Variants in COL24A1 observed in about 807,000 individuals in gnomAD.
COL24A1 encodes the protein collagen alpha-1(XXIV) chain.
COL24A1 carries 224 observed loss-of-function variants against 253.9 expected under a neutral mutation model. The ratio of observed to expected loss-of-function variants is 0.88; its 90% CI spans 0.79 to 0.99. The LOEUF (loss-of-function observed/expected upper bound fraction) is 0.99, where lower values mean the gene tolerates loss of function less well. COL24A1 is among the 50% of genes least tolerant of loss of function. COL24A1 has a pLI of 0.00. For missense variants in COL24A1, 2,131 were observed against 2,068.5 expected (o/e 1.03, Z -0.59); for synonymous variants, 685 against 673.7 (o/e 1.02, Z -0.26).
In COL24A1 at chr1:86,146,070, G is replaced by A. The variant is rs767608975; in HGVS notation, c.121+49C>T. The A allele has an allele frequency of 4.1e-6, 6 of 1,453,560 alleles. No homozygotes were observed. In the South Asian group the frequency reaches 7.2e-5, roughly 17 times the overall value. The allele number at this position is 1,453,560 out of a possible 1,614,324, so 90.0% of individuals were successfully genotyped here. On this transcript the variant is annotated intron_variant, in intron 2 of 59. Coordinates refer to ENST00000370571, the MANE Select transcript of COL24A1 (RefSeq NM_152890.7). Reference sequence around the variant, plus strand: ...GAAAGTTATGTACTTTTGCTGTCTGGAAGTAGAATTTTTAAGTAAGCAAAT... The same window carrying A: ...GAAAGTTATGTACTTTTGCTGTCTGAAAGTAGAATTTTTAAGTAAGCAAAT...
At chr1:86,023,103 C>A in intron 14 of COL24A1, 96 bp from the exon 15 acceptor site, 1 of 1,090,584 alleles carries the variant, frequency 9.2e-7, no homozygotes, top group Non-Finnish European at 1.3e-6. Flanking sequence ...CCAAAACAGC[C>A]AACTCACTAA....
At chr1:86,040,509 T>C (rs1452194222) in intron 12 of COL24A1, among the ~76,000 whole-genome samples, 1 of 132,264 alleles carries the variant, frequency 7.6e-6, no homozygotes, top group Non-Finnish European at 1.5e-5. Context: ...CCTTATGTTA[T>C]CCACCCTGAA....
chr1:85,869,727 C>G (rs1680213331), intron 35 of COL24A1, among the ~76,000 whole-genome samples: 1 of 152,180 alleles, frequency 6.6e-6, no homozygotes, highest in Non-Finnish European at 1.5e-5. Flanking sequence ...CAACCAGGAC[C>G]AGCCACTGCA....
At chr1:86,011,852 G>C (rs933434107) in intron 19 of COL24A1, among the ~76,000 whole-genome samples, 3 of 152,150 alleles carry the variant, frequency 2.0e-5, no homozygotes, top group Non-Finnish European at 4.4e-5. Context: ...CATTCTATTG[G>C]ATAAAGGTTC....
chr1:85,737,566 C>CCT, intron 57 of COL24A1, 61 bp from the exon 58 acceptor site: 1 of 930,730 alleles, frequency 1.1e-6, no homozygotes, highest in Middle Eastern at 2.5e-4. Context: ...CTTATAATTT[C>CCT]TTTTTTTTTT....
chr1:85,875,711 T>C (rs1571029116), intron 33 of COL24A1, among the ~76,000 whole-genome samples: 1 of 130,058 alleles, frequency 7.7e-6, no homozygotes, highest in South Asian at 2.5e-4. Context: ...ATTCACATTA[T>C]AAAAGACACA....
At chr1:86,022,645 T>C (rs1295414411) in intron 16 of COL24A1, 54 bp from the exon 17 acceptor site, 8 of 1,537,310 alleles carry the variant, frequency 5.2e-6, no homozygotes, top group Non-Finnish European at 7.1e-6. Flanking sequence ...CATGGCAATA[T>C]TATAAGAAAG....
rs1647993943 is a variant in COL24A1 at position 86,124,857 on chromosome 1, G to A, written c.1479C>T (p.Asp493=). The A allele has an allele frequency of 6.5e-7, 1 of 1,548,596 alleles. No individual in the cohort carries two copies. The change falls in exon 3 of 60, where the codon GAC becomes GAT. Residue 493 remains aspartate, a synonymous_variant. Coordinates refer to ENST00000370571, the MANE Select transcript of COL24A1 (RefSeq NM_152890.7). ...EMEYLRGPKG[D]TGPPGPPGPA... ...AAAAAAAACTTACGGGAGGTCCAGT[G>A]TCTCCTTTTGGCCCTCTCAGATACT... is the stretch of plus-strand genomic sequence containing the variant.
At chr1:85,818,840 A>T (rs986925751) in intron 45 of COL24A1, among the ~76,000 whole-genome samples, 2 of 152,236 alleles carry the variant, frequency 1.3e-5, no homozygotes, top group East Asian at 3.8e-4. Context: ...AGAAATCATC[A>T]GAAGTTCTCA....
intron 2 of COL24A1, among the ~76,000 whole-genome samples, chr1:86,134,988 C>A (rs1320772167): frequency 6.6e-6 from 1 of 151,396 alleles, no homozygotes; most frequent in South Asian, 2.1e-4. Flanking sequence ...GAGTCTAAGT[C>A]TCTTTGTAGG....
chr1:85,783,730 ACAC>A (rs1269549062), intron 50 of COL24A1, among the ~76,000 whole-genome samples, 172 bp from the exon 51 acceptor site: 2 of 152,216 alleles, frequency 1.3e-5, no homozygotes, highest in African/African-American at 4.8e-5. Flanking sequence ...ACTTAGAAAT[ACAC>A]CAATGAAGGG....
chr1:86,101,495 C>T (rs1704449739), intron 5 of COL24A1, among the ~76,000 whole-genome samples: 1 of 152,062 alleles, frequency 6.6e-6, no homozygotes, highest in African/African-American at 2.4e-5. Context: ...CCAGCTTTTG[C>T]CCATCCAGTA....
chr1:85,920,747 G>A (rs568391220), intron 24 of COL24A1, among the ~76,000 whole-genome samples: 1 of 152,028 alleles, frequency 6.6e-6, no homozygotes, highest in South Asian at 2.1e-4. Flanking sequence ...CACTGTTAGA[G>A]GAAAAGTGAC....
intron 24 of COL24A1, among the ~76,000 whole-genome samples, chr1:85,923,931 A>C (rs1485647416): frequency 6.6e-6 from 1 of 152,182 alleles, no homozygotes. Flanking sequence ...AGCAAGACTA[A>C]TAAAGAAGAA....
chr1:85,822,682 C>G (rs1205595600), intron 45 of COL24A1, among the ~76,000 whole-genome samples: 1 of 152,192 alleles, frequency 6.6e-6, no homozygotes, highest in Non-Finnish European at 1.5e-5. Flanking sequence ...CTTGGTCAAA[C>G]TTTAGTCAGG....
intron 3 of COL24A1, among the ~76,000 whole-genome samples, chr1:86,119,592 C>T (rs1706516897): frequency 6.6e-6 from 1 of 152,136 alleles, no homozygotes; most frequent in South Asian, 2.1e-4. Context: ...TGTGCATGAA[C>T]ATGAGACGAC....
rs548332260 is a variant in COL24A1, at chr1:86,053,257, C to T, written c.1852-3080G>A. 3.9e-5 allele frequency among the ~76,000 whole-genome samples: 6 copies of T among 152,056 alleles called. No individual in the cohort carries two copies. In the East Asian group the frequency reaches 1.2e-3, roughly 29 times the overall value. On this transcript the variant is annotated intron_variant, in intron 10 of 59. Coordinates refer to ENST00000370571, the MANE Select transcript of COL24A1 (RefSeq NM_152890.7). Reference sequence around the variant, plus strand: ...TTTGGTTATAAATAAAAAGAAAAGACACTCTAACTGGTATATACTTATCAG... The same window carrying T: ...TTTGGTTATAAATAAAAAGAAAAGATACTCTAACTGGTATATACTTATCAG...
At chr1:86,002,934 T>C (rs1695574857) in intron 19 of COL24A1, among the ~76,000 whole-genome samples, 1 of 152,160 alleles carries the variant, frequency 6.6e-6, no homozygotes, top group Admixed American at 6.5e-5. Context: ...GGTGACACTG[T>C]AGGCTGCTAG....
intron 28 of COL24A1, among the ~76,000 whole-genome samples, chr1:85,899,316 T>C (rs565687303): frequency 1.3e-5 from 2 of 152,286 alleles, no homozygotes; most frequent in South Asian, 2.1e-4. Flanking sequence ...AAATTGAAAA[T>C]GTGTCCACTG....
Sources: gnomAD v4.1 joint callset for allele counts (sites outside exome capture counted in the v4.1 genomes callset) on GRCh38, gnomAD v4.1.1 for gene constraint, MANE v1.5 for transcripts, NCBI Gene and HGNC (gene_info 2026-07-23, HGNC 2026-07-21) for gene names.